Variants in ERBB4 observed in about 807,000 individuals in gnomAD.
The protein encoded by ERBB4 is erb-b2 receptor tyrosine kinase 4, also known as receptor tyrosine-protein kinase erbB-4.
ERBB4 carries 42 observed loss-of-function variants against 158.0 expected under a neutral mutation model. The ratio of observed to expected loss-of-function variants is 0.27; its 90% CI spans 0.21 to 0.34. ERBB4 has a LOEUF of 0.34. Ranked by LOEUF, ERBB4 falls within the 10% of genes least tolerant of loss-of-function variation. ERBB4 has a pLI of 1.00. For synonymous variants in ERBB4, 583 were observed against 558.7 expected (o/e 1.04, Z -0.61); for missense variants, 1,333 against 1,624.1 (o/e 0.82, Z 3.08).
intron 2 of ERBB4, among the ~76,000 whole-genome samples, chr2:211,965,590 T>G (rs2081290608): frequency 6.6e-6 from 1 of 152,132 alleles, no homozygotes; most frequent in African/African-American, 2.4e-5. Flanking sequence ...TTTTTTTATG[T>G]GCTAAGGTAA....
Position 211,877,077 on chromosome 2 carries a change from T to C in ERBB4, c.421+70353A>G, listed in dbSNP as rs572534411. ...ATGCATTAGCCTTTCTTTAGCTAAA[T>C]GTAGTCATAAGTGAATGATTTTGGA... On this transcript the variant is annotated intron_variant, in intron 3 of 27. Transcript: ENST00000342788. 3.3e-5 allele frequency among the ~76,000 whole-genome samples: 5 copies of C among 152,318 alleles called. No homozygotes were observed. The East Asian group carries it at 9.7e-4, about 29-fold the overall frequency.
intron 1 of ERBB4, 76 bp downstream of exon 1, chr2:212,538,373 G>A (rs1693226603): frequency 1.5e-6 from 2 of 1,301,242 alleles, no homozygotes; most frequent in Non-Finnish European, 2.2e-6. Context: ...GATGGGTGAA[G>A]AGGGCAGGGG....
intron 1 of ERBB4, among the ~76,000 whole-genome samples, chr2:212,426,784 C>A (rs2091922795): frequency 6.6e-6 from 1 of 152,064 alleles, no homozygotes; most frequent in South Asian, 2.1e-4. Context: ...GATCACATAG[C>A]AGAACTAAAA....
At chr2:212,249,476 AAAGC>A (rs1260351783) in intron 1 of ERBB4, among the ~76,000 whole-genome samples, 2 of 151,886 alleles carry the variant, frequency 1.3e-5, no homozygotes, top group Non-Finnish European at 2.9e-5. Flanking sequence ...GCTAGAGGGA[AAAGC>A]AAGCAGTTTT....
intron 1 of ERBB4, among the ~76,000 whole-genome samples, chr2:212,393,175 A>T (rs59393864): frequency 0.11 from 16,708 of 152,060 alleles, 953 homozygotes; most frequent in South Asian, 0.14. Context: ...GACCTTGCTT[A>T]TCTACAAACT....
chr2:212,363,762 C>A (rs2089781053), intron 1 of ERBB4, among the ~76,000 whole-genome samples: 1 of 151,592 alleles, frequency 6.6e-6, no homozygotes, highest in Non-Finnish European at 1.5e-5. Flanking sequence ...AACGGATTTA[C>A]ACTACTTCAC....
intron 19 of ERBB4, among the ~76,000 whole-genome samples, chr2:211,563,117 T>C (rs1015658067): frequency 1.3e-5 from 2 of 152,164 alleles, no homozygotes; most frequent in African/African-American, 4.8e-5. Context: ...CACTGCTTAA[T>C]GGGGATAAAA....
At chr2:212,372,914 C>G (rs76172579) in intron 1 of ERBB4, among the ~76,000 whole-genome samples, 5,839 of 152,174 alleles carry the variant, frequency 0.038, 155 homozygotes, top group Non-Finnish European at 0.057. Context: ...CATCATCTCT[C>G]AAGACAAGAT....
intron 1 of ERBB4, among the ~76,000 whole-genome samples, chr2:212,273,829 G>T (rs1356254025): frequency 6.6e-6 from 1 of 151,762 alleles, no homozygotes; most frequent in African/African-American, 2.4e-5. Context: ...TCACTCACTT[G>T]TCAGAGGTCA....
intron 1 of ERBB4, among the ~76,000 whole-genome samples, chr2:212,391,671 T>TA (rs1267371960): frequency 8.4e-5 from 11 of 130,916 alleles, no homozygotes; most frequent in African/African-American, 1.4e-4. Context: ...TGTATTATAT[T>TA]TTATATATAT....
At chr2:211,966,718 AC>A (rs1435740433) in intron 2 of ERBB4, among the ~76,000 whole-genome samples, 1 of 152,156 alleles carries the variant, frequency 6.6e-6, no homozygotes, top group African/African-American at 2.4e-5. Context: ...TGAAAATGCT[AC>A]TTGGAAAACC....
intron 1 of ERBB4, among the ~76,000 whole-genome samples, chr2:212,379,586 C>T (rs1280534613): frequency 2.0e-5 from 3 of 151,452 alleles, no homozygotes; most frequent in Non-Finnish European, 4.4e-5. Flanking sequence ...CAATCTATTG[C>T]CAAGAAGTCC....
intron 19 of ERBB4, among the ~76,000 whole-genome samples, chr2:211,565,851 C>T (rs1393521651): frequency 6.6e-6 from 1 of 152,176 alleles, no homozygotes; most frequent in East Asian, 1.9e-4. Context: ...AATGCTGTCA[C>T]TCTCCCTCAA....
At chr2:211,649,253 T>G (rs1471035819) in intron 16 of ERBB4, among the ~76,000 whole-genome samples, 1 of 151,880 alleles carries the variant, frequency 6.6e-6, no homozygotes, top group Non-Finnish European at 1.5e-5. Context: ...TAAGTCTGTT[T>G]CATCATTTAT....
chr2:211,961,694 G>A (rs982530959), intron 2 of ERBB4, among the ~76,000 whole-genome samples: 3 of 152,128 alleles, frequency 2.0e-5, no homozygotes, highest in Non-Finnish European at 2.9e-5. Flanking sequence ...TCTGGATCCA[G>A]CTGCCATTTG....
At chr2:212,441,104 T>C (rs1221353361) in intron 1 of ERBB4, among the ~76,000 whole-genome samples, 1 of 152,162 alleles carries the variant, frequency 6.6e-6, no homozygotes, top group African/African-American at 2.4e-5. Context: ...GGGCATTGAT[T>C]GGAAAAGAAT....
At chr2:212,380,724 C>T (rs1479715498) in intron 1 of ERBB4, among the ~76,000 whole-genome samples, 1 of 150,726 alleles carries the variant, frequency 6.6e-6, no homozygotes, top group Non-Finnish European at 1.5e-5. Context: ...TATCATACAT[C>T]TTTATCATTT....
At chr2:212,084,949 G>C (rs2078559346) in intron 2 of ERBB4, among the ~76,000 whole-genome samples, 2 of 151,904 alleles carry the variant, frequency 1.3e-5, no homozygotes, top group African/African-American at 4.8e-5. Flanking sequence ...CATGACTTAA[G>C]TAATTTATTT....
At chr2:211,628,151 C>T (rs1350637604) in intron 17 of ERBB4, among the ~76,000 whole-genome samples, 2 of 128,658 alleles carry the variant, frequency 1.6e-5, no homozygotes, top group East Asian at 4.9e-4. Flanking sequence ...TCTAAATCTG[C>T]CACTGAGATA....
Sources: allele counts gnomAD v4.1 joint callset (sites outside exome capture counted in the v4.1 genomes callset), GRCh38; gene constraint gnomAD v4.1.1; transcripts MANE v1.5; gene names NCBI Gene and HGNC (gene_info 2026-07-23, HGNC 2026-07-21).